Variants in SPECC1 observed in about 807,000 individuals in gnomAD.
SPECC1 encodes the protein cytospin-B.
Under a neutral mutation model 104.1 loss-of-function variants are expected in SPECC1, and 62 were observed. The observed-to-expected ratio is 0.60, with a 90% CI of 0.49 to 0.74. The LOEUF (loss-of-function observed/expected upper bound fraction) is 0.74, where lower values mean the gene tolerates loss of function less well. SPECC1 is among the 30% of genes least tolerant of loss of function. The pLI, the probability that SPECC1 is intolerant of heterozygous loss-of-function variation, is 0.00. For synonymous variants in SPECC1, 513 were observed against 501.6 expected (o/e 1.02, Z -0.30); for missense variants, 1,306 against 1,310.5 (o/e 1.00, Z 0.05).
intron 12 of SPECC1, among the ~76,000 whole-genome samples, chr17:20,282,721 A>G (rs200778261): frequency 6.6e-6 from 1 of 152,190 alleles, no homozygotes; most frequent in Non-Finnish European, 1.5e-5. Flanking sequence ...CACAGTGGAA[A>G]CAGCCATGAG....
At chr17:20,068,842 G>A (rs1362747370) in intron 1 of SPECC1, among the ~76,000 whole-genome samples, 1 of 151,894 alleles carries the variant, frequency 6.6e-6, no homozygotes, top group Non-Finnish European at 1.5e-5. Flanking sequence ...TTTTCAGTTG[G>A]GTTATTTGTC....
intron 3 of SPECC1, among the ~76,000 whole-genome samples, chr17:20,142,698 TGAAAA>T (rs1422664097): frequency 6.6e-6 from 1 of 151,990 alleles, no homozygotes; most frequent in African/African-American, 2.4e-5. Flanking sequence ...TTGTGCAAGA[TGAAAA>T]GAGTTCTGGA....
At chr17:20,291,663 G>C (rs1014942693) in intron 12 of SPECC1, among the ~76,000 whole-genome samples, 7 of 151,992 alleles carry the variant, frequency 4.6e-5, no homozygotes, top group Non-Finnish European at 1.0e-4. Context: ...TCCTGCTTCA[G>C]CCTCCCAAGT....
intron 3 of SPECC1, among the ~76,000 whole-genome samples, chr17:20,133,821 C>T (rs969540015): frequency 5.9e-5 from 9 of 152,158 alleles, no homozygotes; most frequent in African/African-American, 9.7e-5. Context: ...AAGCCCCTCC[C>T]GGCTTTGCAC....
chr17:20,143,353 G>A (rs888787753), intron 3 of SPECC1, among the ~76,000 whole-genome samples: 6 of 149,306 alleles, frequency 4.0e-5, no homozygotes, highest in Non-Finnish European at 7.4e-5. Context: ...ACTACTGCAC[G>A]CCAGCCTGGG....
At chr17:20,221,315 T>C (rs2037859523) in intron 4 of SPECC1, among the ~76,000 whole-genome samples, 1 of 152,202 alleles carries the variant, frequency 6.6e-6, no homozygotes. Flanking sequence ...TGGGGGACTT[T>C]TTATTCTGGC....
intron 10 of SPECC1, among the ~76,000 whole-genome samples, chr17:20,254,134 C>CGTGTGTGTGTGTGTGTGTGTGTGTGT (rs71357419): frequency 7.4e-6 from 1 of 135,974 alleles, no homozygotes; most frequent in African/African-American, 3.0e-5. Flanking sequence ...GTTGTTACAC[C>CGTGTGTGTGTGTGTGTGTGTGTGTGT]GTGTGTGTGT....
At position 20,085,469 on chromosome 17, in the gene SPECC1, T is replaced by C. The variant is rs544872217; in HGVS notation, c.-21-11162T>C. 2.0e-5 allele frequency among the ~76,000 whole-genome samples: 3 copies of C among 152,332 alleles called. No individual in the cohort carries two copies. In the East Asian group the frequency reaches 5.8e-4, roughly 29 times the overall value. ...TAGACTTACTCCTGTGCAAGGAACGTGTAATGACAAGGTAATCCCAGGAGC... is the reference window on the plus strand; with the variant it reads ...TAGACTTACTCCTGTGCAAGGAACGCGTAATGACAAGGTAATCCCAGGAGC... On this transcript the variant is annotated intron_variant, in intron 1 of 14. Transcript: ENST00000395527.
At chr17:20,111,726 TG>T in intron 3 of SPECC1, 2 of 563,630 alleles carry the variant, frequency 3.5e-6, no homozygotes, top group Non-Finnish European at 3.2e-6. Context: ...CGAATCCCAG[TG>T]GGTGGAGGGA....
intron 12 of SPECC1, among the ~76,000 whole-genome samples, chr17:20,277,444 G>A (rs1051266376): frequency 1.3e-5 from 2 of 152,128 alleles, no homozygotes; most frequent in Non-Finnish European, 2.9e-5. Flanking sequence ...TCACAGGGAG[G>A]ATCTGTTTTT....
At chr17:20,216,334 C>T (rs2037489189) in intron 4 of SPECC1, among the ~76,000 whole-genome samples, 1 of 152,136 alleles carries the variant, frequency 6.6e-6, no homozygotes. Flanking sequence ...ATTGCCTTTC[C>T]TTAGGGTGCT....
chr17:20,297,152 A>AG (rs1017041317), intron 13 of SPECC1, 75 bp downstream of exon 13: 1 of 1,328,188 alleles, frequency 7.5e-7, no homozygotes, highest in African/African-American at 1.5e-5. Context: ...CCACTGTGGG[A>AG]GGGGGCTTAC....
chr17:20,057,028 A>G (rs1315472169), intron 1 of SPECC1, among the ~76,000 whole-genome samples: 1 of 152,158 alleles, frequency 6.6e-6, no homozygotes, highest in Admixed American at 6.5e-5. Flanking sequence ...GCTCTAACTG[A>G]TCAATCTGGA....
At chr17:20,024,537 C>T (rs953423569) in intron 1 of SPECC1, among the ~76,000 whole-genome samples, 1 of 152,182 alleles carries the variant, frequency 6.6e-6, no homozygotes, top group African/African-American at 2.4e-5. Context: ...TCATTTTCTA[C>T]CCTTCCATAT....
chr17:20,084,459 A>C (rs1453136443), intron 1 of SPECC1, among the ~76,000 whole-genome samples: 1 of 152,056 alleles, frequency 6.6e-6, no homozygotes, highest in Non-Finnish European at 1.5e-5. Context: ...TAAAAGTAAC[A>C]AATAATAACA....
intron 1 of SPECC1, among the ~76,000 whole-genome samples, chr17:20,080,842 C>T (rs983165240): frequency 1.3e-5 from 2 of 152,096 alleles, no homozygotes; most frequent in African/African-American, 2.4e-5. Flanking sequence ...CCTTGGCCAT[C>T]CTGAGGAGGG....
At chr17:20,221,617 A>T (rs1028421034) in intron 4 of SPECC1, among the ~76,000 whole-genome samples, 2 of 150,866 alleles carry the variant, frequency 1.3e-5, no homozygotes, top group African/African-American at 4.9e-5. Context: ...TTGTTTGTTG[A>T]TCTTTTGTAT....
intron 1 of SPECC1, among the ~76,000 whole-genome samples, chr17:20,090,428 G>A (rs951398044): frequency 4.6e-5 from 7 of 152,128 alleles, no homozygotes; most frequent in African/African-American, 1.7e-4. Flanking sequence ...TTCCCCAGCT[G>A]GCGTCCCAGG....
intron 12 of SPECC1, among the ~76,000 whole-genome samples, chr17:20,285,024 C>T (rs895561476): frequency 3.9e-5 from 6 of 152,210 alleles, no homozygotes; most frequent in African/African-American, 1.4e-4. Context: ...GGAATGCAGC[C>T]ACGGAATCCA....
Sources: allele counts gnomAD v4.1 joint callset (sites outside exome capture counted in the v4.1 genomes callset), GRCh38; gene constraint gnomAD v4.1.1; transcripts MANE v1.5; gene names NCBI Gene and HGNC (gene_info 2026-07-23, HGNC 2026-07-21).